Variants in OPN3 observed in about 807,000 individuals in gnomAD.
OPN3 encodes the protein opsin-3.
A neutral mutation model predicts 33.8 loss-of-function variants in OPN3; 29 were observed. That is an observed-to-expected ratio of 0.86 (90% CI 0.64 to 1.17). OPN3 has a LOEUF of 1.17. OPN3 is among the 50% of genes most tolerant of loss of function. The probability of loss-of-function intolerance (pLI) is 0.00; values close to 1 mark genes in which losing one functional copy is unlikely to be tolerated. For missense variants in OPN3, 437 were observed against 514.1 expected (o/e 0.85, Z 1.45); for synonymous variants, 216 against 216.1 (o/e 1.00, Z 0.00).
intron 2 of OPN3, among the ~76,000 whole-genome samples, chr1:241,598,320 C>T (rs1434646356): frequency 6.6e-6 from 1 of 152,126 alleles, no homozygotes; most frequent in Non-Finnish European, 1.5e-5. Context: ...CTCTAAAAGA[C>T]AGCCTGAGAG....
At chr1:241,598,052 T>G in intron 2 of OPN3, 55 bp from the exon 3 acceptor site, 5 of 1,566,886 alleles carry the variant, frequency 3.2e-6, no homozygotes, top group Non-Finnish European at 4.3e-6. Flanking sequence ...AGGGTTTCTT[T>G]TGTTGTTTTT....
chr1:241,625,044 A>G (rs1380589741), intron 1 of OPN3, among the ~76,000 whole-genome samples: 1 of 152,220 alleles, frequency 6.6e-6, no homozygotes, highest in Non-Finnish European at 1.5e-5. Context: ...TCTGTATCCC[A>G]GAGTCTAGCA....
rs1405828467 is a variant in OPN3, at chr1:241,640,018, G to A, written c.237C>T (p.Leu79=). The A allele has an allele frequency of 6.2e-7, 1 of 1,613,544 alleles. No individual in the cohort carries two copies. The highest frequency in any genetic ancestry group is 1.1e-5 in the South Asian group (1 of 91,014). The part of the protein sequence containing the change: ...FQRLRTPTHL[L]LVNISLSDLL... The stretch of plus-strand genomic sequence containing the variant: ...GGTCGCTGAGGCTGATGTTGACCAG[G>A]AGGAGGTGAGTGGGAGTGCGGAGCC... Residue 79 remains leucine (L), a synonymous_variant, in exon 1 of 4, where the codon CTC becomes CTT. Transcript: ENST00000366554.
chr1:241,604,666 C>A, intron 1 of OPN3, 87 bp from the exon 2 acceptor site: 1 of 1,192,202 alleles, frequency 8.4e-7, no homozygotes, highest in South Asian at 1.5e-5. Context: ...CTGGAAATAC[C>A]TTACAGAGTA....
intron 1 of OPN3, among the ~76,000 whole-genome samples, chr1:241,612,902 C>A (rs1489314289): frequency 6.6e-6 from 1 of 152,144 alleles, no homozygotes; most frequent in Non-Finnish European, 1.5e-5. Flanking sequence ...AAAATCCCAA[C>A]CCAGATCTCC....
At chr1:241,616,258 C>A (rs542617323) in intron 1 of OPN3, among the ~76,000 whole-genome samples, 1 of 152,040 alleles carries the variant, frequency 6.6e-6, no homozygotes, top group African/African-American at 2.4e-5. Flanking sequence ...GCTTTATATG[C>A]GGGGAACGTG....
At chr1:241,614,506 A>G (rs974827762) in intron 1 of OPN3, among the ~76,000 whole-genome samples, 6 of 152,230 alleles carry the variant, frequency 3.9e-5, no homozygotes, top group African/African-American at 9.6e-5. Context: ...TAGTTGCCAT[A>G]GTTGTTAAAA....
At chr1:241,630,636 T>C (rs1446340758) in intron 1 of OPN3, 3 of 152,076 alleles carry the variant, frequency 2.0e-5, no homozygotes, top group Non-Finnish European at 2.9e-5. Flanking sequence ...TTTAACCATA[T>C]ATAAAAATAG....
intron 1 of OPN3, chr1:241,629,442 T>C (rs1437779314): frequency 1.3e-5 from 2 of 152,154 alleles, no homozygotes; most frequent in Non-Finnish European, 2.9e-5. Flanking sequence ...ACCATTCAAA[T>C]TGATTTTTTA....
At chr1:241,616,689 C>A (rs1481398144) in intron 1 of OPN3, among the ~76,000 whole-genome samples, 1 of 151,914 alleles carries the variant, frequency 6.6e-6, no homozygotes, top group Admixed American at 6.6e-5. Context: ...AAGGAAAAAT[C>A]CTGGAGTAAA....
At chr1:241,634,774 T>C (rs377554874) in intron 1 of OPN3, 22 of 1,613,860 alleles carry the variant, frequency 1.4e-5, no homozygotes, top group Non-Finnish European at 4.2e-6. Flanking sequence ...GGTTGGGAGT[T>C]AGTTTTTTAG....
chr1:241,624,855 C>T (rs1013198523), intron 1 of OPN3, among the ~76,000 whole-genome samples: 8 of 150,710 alleles, frequency 5.3e-5, no homozygotes, highest in African/African-American at 2.0e-4. Context: ...AAGCCCACTT[C>T]TACCACTTAC....
chr1:241,631,330 A>G (rs1390965348), intron 1 of OPN3: 1 of 151,892 alleles, frequency 6.6e-6, no homozygotes, highest in Non-Finnish European at 1.5e-5. Context: ...TCAATTTCTT[A>G]TGAATAATCT....
intron 1 of OPN3, chr1:241,629,471 G>A (rs1307434922): frequency 2.6e-5 from 4 of 152,016 alleles, no homozygotes; most frequent in Non-Finnish European, 4.4e-5. Flanking sequence ...ATACACGATC[G>A]CTTTATAAAT....
chr1:241,606,302 G>T (rs1234025261), intron 1 of OPN3, among the ~76,000 whole-genome samples: 1 of 152,194 alleles, frequency 6.6e-6, no homozygotes, highest in Non-Finnish European at 1.5e-5. Context: ...TCAGCACTTT[G>T]AGAGGCCGAG....
At chr1:241,629,023 A>C (rs1386701594) in intron 1 of OPN3, 1 of 152,604 alleles carries the variant, frequency 6.6e-6, no homozygotes, top group Non-Finnish European at 1.5e-5. Context: ...TTATGTTCTT[A>C]TTAACATTTT....
intron 1 of OPN3, among the ~76,000 whole-genome samples, chr1:241,626,782 C>A (rs960758558): frequency 6.6e-6 from 1 of 152,066 alleles, no homozygotes; most frequent in African/African-American, 2.4e-5. Context: ...GAGATGAATA[C>A]GGAACAAGTA....
At chr1:241,606,372 T>G (rs1181913238) in intron 1 of OPN3, among the ~76,000 whole-genome samples, 1 of 151,922 alleles carries the variant, frequency 6.6e-6, no homozygotes. Flanking sequence ...GGCGAAACCC[T>G]GTCTCTACTA....
intron 1 of OPN3, chr1:241,635,501 A>G: frequency 1.2e-6 from 2 of 1,613,894 alleles, no homozygotes; most frequent in Non-Finnish European, 8.5e-7. Context: ...CTTCTTGCGA[A>G]GAGTGATGGC....
Sources: gnomAD v4.1 joint callset for allele counts (sites outside exome capture counted in the v4.1 genomes callset) on GRCh38, gnomAD v4.1.1 for gene constraint, MANE v1.5 for transcripts, NCBI Gene and HGNC (gene_info 2026-07-23, HGNC 2026-07-21) for gene names.